FAM168A: variants seen among roughly 807,000 people sequenced by gnomAD.
FAM168A encodes protein FAM168A.
A neutral mutation model predicts 28.5 loss-of-function variants in FAM168A; 3 were observed. The ratio of observed to expected loss-of-function variants is 0.11; its 90% CI spans 0.05 to 0.27. FAM168A has a LOEUF of 0.27. Among genes scored for constraint, FAM168A ranks in the 10% least tolerant of loss-of-function variants. The probability of loss-of-function intolerance (pLI) is 1.00; values close to 1 mark genes in which losing one functional copy is unlikely to be tolerated. For missense variants in FAM168A, 222 were observed against 311.5 expected, an observed-to-expected ratio of 0.71 and a Z score of 2.16; for synonymous variants, 122 against 124.2, an observed-to-expected ratio of 0.98 and a Z score of 0.12.
chr11:73,594,767 G>C (rs1330988692), intron 1 of FAM168A, among the ~76,000 whole-genome samples: 1 of 151,980 alleles, frequency 6.6e-6, no homozygotes, highest in Non-Finnish European at 1.5e-5. Context: ...GACCTCAAGT[G>C]ATCCACCCAC....
intron 1 of FAM168A, among the ~76,000 whole-genome samples, chr11:73,546,928 A>G (rs1003211120): frequency 1.3e-5 from 2 of 152,030 alleles, no homozygotes; most frequent in African/African-American, 4.8e-5. Flanking sequence ...AAAAATAACA[A>G]CAACAACAAA....
chr11:73,452,940 T>C (rs959748075), intron 2 of FAM168A, among the ~76,000 whole-genome samples: 6 of 151,540 alleles, frequency 4.0e-5, no homozygotes, highest in African/African-American at 1.5e-4. Flanking sequence ...CTTCCTGGGG[T>C]GTTAATTTTA....
intron 1 of FAM168A, among the ~76,000 whole-genome samples, chr11:73,517,912 A>G (rs1042896492): frequency 8.5e-5 from 13 of 152,338 alleles, no homozygotes; most frequent in Admixed American, 6.5e-4. Context: ...GTCTATTCAA[A>G]AAAAAAGGAG....
rs201339524 is a variant in FAM168A at position 73,409,675 on chromosome 11, G to C, written c.421-14C>G. The C allele has an allele frequency of 2.6e-4, 419 of 1,591,796 alleles. 1 individual carries two copies. Among genetic ancestry groups the C allele is most frequent in the Non-Finnish European group, 5.9e-5 (69 of 1,166,370 alleles). On this transcript the variant is annotated splice_polypyrimidine_tract_variant and intron_variant, in intron 5 of 7. Transcript: ENST00000356467. ...GTAGTAGGCTCCCTGGGGGAAAGAG[G>C]CTGAGGTCACATAGGCATTTGGAGA...
intron 1 of FAM168A, among the ~76,000 whole-genome samples, chr11:73,495,749 A>G (rs944634654): frequency 6.6e-6 from 1 of 152,232 alleles, no homozygotes; most frequent in Non-Finnish European, 1.5e-5. Flanking sequence ...TAAGATGACT[A>G]TTATCAAAAA....
At chr11:73,555,768 T>C (rs1040370197) in intron 1 of FAM168A, among the ~76,000 whole-genome samples, 5 of 151,192 alleles carry the variant, frequency 3.3e-5, no homozygotes, top group African/African-American at 1.2e-4. Flanking sequence ...GGACACACAG[T>C]TGATACCTGG....
rs189056348 is a variant in FAM168A, at chr11:73,524,517, C to A, written c.-18-56025G>T. On this transcript the variant is annotated intron_variant, in intron 1 of 7. Coordinates refer to ENST00000356467, the MANE Select transcript of FAM168A (RefSeq NM_015159.3). ...CTTAAACTGATCCTCTAATTTATTT[C>A]TTTCCTCTTCTATTTTCTACTTGTT... Among the ~76,000 whole-genome samples the A allele has an allele frequency of 1.2e-3, 177 of 151,426 alleles. 1 individual carries two copies. The highest frequency in any genetic ancestry group is 4.1e-3 in the African/African-American group (168 of 41,264).
At chr11:73,534,776 CAGTT>C (rs1943556900) in intron 1 of FAM168A, among the ~76,000 whole-genome samples, 1 of 152,134 alleles carries the variant, frequency 6.6e-6, no homozygotes, top group African/African-American at 2.4e-5. Flanking sequence ...GTCTGAGAAC[CAGTT>C]AAAGACCAAG....
At chr11:73,543,683 T>C (rs187864730) in intron 1 of FAM168A, among the ~76,000 whole-genome samples, 4 of 152,290 alleles carry the variant, frequency 2.6e-5, no homozygotes, top group Admixed American at 1.3e-4. Context: ...TTTAACCTGA[T>C]AGAAGTAACC....
intron 2 of FAM168A, among the ~76,000 whole-genome samples, chr11:73,441,111 T>G (rs1024736456): frequency 6.7e-6 from 1 of 150,218 alleles, no homozygotes; most frequent in Middle Eastern, 3.4e-3. Flanking sequence ...CAGGCTGGAG[T>G]GCAGTGGCGC....
At chr11:73,455,758 C>T (rs1867520011) in intron 2 of FAM168A, among the ~76,000 whole-genome samples, 1 of 152,290 alleles carries the variant, frequency 6.6e-6, no homozygotes, top group East Asian at 1.9e-4. Context: ...AGGCCCCCTC[C>T]TATGGCAGTA....
At chr11:73,429,904 C>T in intron 3 of FAM168A, among the ~76,000 whole-genome samples, 1 of 152,190 alleles carries the variant, frequency 6.6e-6, no homozygotes, top group South Asian at 2.1e-4. Flanking sequence ...CCATCCACAA[C>T]CCTGAGGCAG....
At chr11:73,487,886 C>T (rs1162741477) in intron 1 of FAM168A, among the ~76,000 whole-genome samples, 1 of 151,998 alleles carries the variant, frequency 6.6e-6, no homozygotes, top group Non-Finnish European at 1.5e-5. Context: ...CCTCCTCGTA[C>T]CCTCACCTCT....
At chr11:73,435,190 C>T (rs545839560) in intron 2 of FAM168A, among the ~76,000 whole-genome samples, 1 of 152,222 alleles carries the variant, frequency 6.6e-6, no homozygotes, top group South Asian at 2.1e-4. Flanking sequence ...CTCTTTACCC[C>T]CTGATCATTT....
At chr11:73,505,240 GGA>G (rs1855085655) in intron 1 of FAM168A, among the ~76,000 whole-genome samples, 1 of 139,832 alleles carries the variant, frequency 7.2e-6, no homozygotes, top group African/African-American at 2.9e-5. Flanking sequence ...TTTGCAAAAA[GGA>G]AAAAAAAAAA....
At chr11:73,475,024 CTGG>C (rs1867869836) in intron 1 of FAM168A, among the ~76,000 whole-genome samples, 1 of 152,138 alleles carries the variant, frequency 6.6e-6, no homozygotes, top group Non-Finnish European at 1.5e-5. Context: ...AAGATTCCTC[CTGG>C]TGAAGCTGAT....
chr11:73,538,057 A>G (rs2134673248), intron 1 of FAM168A, among the ~76,000 whole-genome samples: 1 of 152,212 alleles, frequency 6.6e-6, no homozygotes, highest in Admixed American at 6.5e-5. Context: ...CTATAACTCC[A>G]TTTTCAGAGA....
intron 1 of FAM168A, among the ~76,000 whole-genome samples, chr11:73,476,150 G>T (rs1867885242): frequency 6.6e-6 from 1 of 152,128 alleles, no homozygotes; most frequent in Non-Finnish European, 1.5e-5. Context: ...AAAAGTTAGA[G>T]CATAACTGTA....
intron 2 of FAM168A, among the ~76,000 whole-genome samples, chr11:73,441,513 C>G (rs566650098): frequency 6.6e-6 from 1 of 152,300 alleles, no homozygotes; most frequent in South Asian, 2.1e-4. Context: ...GTTTTGGTAT[C>G]AAGGTAATGT....
Sources: allele counts gnomAD v4.1 joint callset (sites outside exome capture counted in the v4.1 genomes callset), GRCh38; gene constraint gnomAD v4.1.1; transcripts MANE v1.5; gene names NCBI Gene and HGNC (gene_info 2026-07-23, HGNC 2026-07-21).